Variants in MAST4 observed in about 807,000 individuals in gnomAD.
The protein encoded by MAST4 is microtubule associated serine/threonine kinase family member 4.
MAST4 carries 89 observed loss-of-function variants against 162.7 expected under a neutral mutation model. The observed-to-expected ratio is 0.55, with a 90% CI of 0.46 to 0.65. The LOEUF is 0.65. MAST4 is among the 30% of genes least tolerant of loss of function. The pLI, the probability that MAST4 is intolerant of heterozygous loss-of-function variation, is 0.00. For synonymous variants in MAST4, 1,479 were observed against 1,361.1 expected, an observed-to-expected ratio of 1.09 and a Z score of -1.91; for missense variants, 3,153 against 3,374.0, an observed-to-expected ratio of 0.93 and a Z score of 1.62.
intron 1 of MAST4, among the ~76,000 whole-genome samples, chr5:66,708,112 C>A (rs1750255096): frequency 1.3e-5 from 2 of 152,186 alleles, no homozygotes; most frequent in South Asian, 4.1e-4. Flanking sequence ...CAACACCAAC[C>A]TAGATTCAAA....
rs570451422 is a variant in MAST4 at position 66,972,611 on chromosome 5, C to G, written c.674+72629C>G. Among the ~76,000 whole-genome samples the G allele has an allele frequency of 9.8e-5, 15 of 152,324 alleles. 1 individual carries two copies. The South Asian group carries it at 3.1e-3, about 32-fold the overall frequency. On this transcript the variant is annotated intron_variant, in intron 4 of 28. Coordinates refer to ENST00000403625, the MANE Select transcript of MAST4 (RefSeq NM_001164664.2). ...GATTCTGCCTTCTCAATATGCGATG[C>G]TGACCACCTCTCCTATCCCACCTTA...
At position 67,166,463 on chromosome 5, in the gene MAST4, G is replaced by C; in HGVS notation, c.7284G>C (p.Pro2428=). ...AAGGGCCCGGTCCCCAGAAGCCACC[G>C]ACGGAGGCAGACAAGCCCAATGGCA... ...RGKGPGPQKP[P]TEADKPNGMK... The change falls in exon 29 of 29, where the codon CCG becomes CCC. Residue 2428 remains proline (P), a synonymous_variant. Coordinates refer to ENST00000403625, the MANE Select transcript of MAST4 (RefSeq NM_001164664.2). 3 of 1,601,906 alleles carry C rather than the reference G, an allele frequency of 1.9e-6. No individual in the cohort carries two copies. Among genetic ancestry groups the C allele is most frequent in the Non-Finnish European group, 2.6e-6 (3 of 1,173,694 alleles).
chr5:66,936,637 T>A (rs1490772094), intron 4 of MAST4, among the ~76,000 whole-genome samples: 1 of 152,162 alleles, frequency 6.6e-6, no homozygotes, highest in Admixed American at 6.5e-5. Flanking sequence ...TGTCATCAGT[T>A]AAGGCAGGAA....
intron 1 of MAST4, among the ~76,000 whole-genome samples, chr5:66,639,748 T>C (rs1745360213): frequency 6.6e-6 from 1 of 152,128 alleles, no homozygotes; most frequent in Non-Finnish European, 1.5e-5. Context: ...AAATGTAAAA[T>C]TAAACCTAAG....
intron 1 of MAST4, among the ~76,000 whole-genome samples, chr5:66,673,364 T>C (rs189261468): frequency 3.9e-5 from 6 of 152,194 alleles, no homozygotes; most frequent in African/African-American, 1.4e-4. Flanking sequence ...TCTCCTTTCT[T>C]CTTTTGTTGT....
rs185497297 is a variant in MAST4 at position 66,955,443 on chromosome 5, G to A, written c.674+55461G>A. The stretch of plus-strand genomic sequence containing the variant: ...GCTGTAGAAGAGGGGATGTGGAGGT[G>A]TGGTATGAACATACCATATGGAGCT... On this transcript the variant is annotated intron_variant, in intron 4 of 28. Transcript: ENST00000403625. Among the ~76,000 whole-genome samples the A allele has an allele frequency of 1.5e-3, 225 of 152,168 alleles. 2 individuals are homozygous for A. Among genetic ancestry groups the A allele is most frequent in the Non-Finnish European group, 3.1e-4 (21 of 67,994 alleles).
intron 1 of MAST4, among the ~76,000 whole-genome samples, chr5:66,597,529 C>G (rs1490879011): frequency 7.0e-6 from 1 of 142,796 alleles, no homozygotes; most frequent in African/African-American, 2.7e-5. Context: ...TGGGATCGCC[C>G]GCGGGTGGTT....
chr5:67,032,141 GTACCTGTAATCCATTT>G (rs1755413444), intron 4 of MAST4, among the ~76,000 whole-genome samples: 1 of 152,078 alleles, frequency 6.6e-6, no homozygotes, highest in Non-Finnish European at 1.5e-5. Context: ...TTATCCTGCT[GTACCTGTAATCCATTT>G]TAGATTAAGC....
intron 1 of MAST4, among the ~76,000 whole-genome samples, chr5:66,700,005 C>A (rs888730230): frequency 7.1e-6 from 1 of 141,246 alleles, no homozygotes; most frequent in Admixed American, 7.4e-5. Flanking sequence ...ATTAACAGTG[C>A]AGCTGTGATT....
chr5:66,813,341 A>C (rs1756565264), intron 3 of MAST4, among the ~76,000 whole-genome samples: 1 of 152,228 alleles, frequency 6.6e-6, no homozygotes, highest in South Asian at 2.1e-4. Flanking sequence ...GGTTTGAAAA[A>C]TTTTAAACTA....
chr5:66,915,269 A>C (rs929364619), intron 4 of MAST4, among the ~76,000 whole-genome samples: 1 of 146,524 alleles, frequency 6.8e-6, no homozygotes, highest in East Asian at 2.1e-4. Context: ...CTTGTCTCAA[A>C]AAAAAAAAAA....
intron 4 of MAST4, among the ~76,000 whole-genome samples, chr5:67,010,560 C>G (rs1460372612): frequency 1.3e-5 from 2 of 152,082 alleles, no homozygotes; most frequent in African/African-American, 4.8e-5. Context: ...AAACACGGGA[C>G]TTACTATTAA....
intron 4 of MAST4, among the ~76,000 whole-genome samples, chr5:66,943,738 T>C (rs2150110393): frequency 6.7e-6 from 1 of 149,442 alleles, no homozygotes; most frequent in East Asian, 1.9e-4. Context: ...GGGAAATGTG[T>C]GTTCAGCGAA....
At chr5:66,707,970 C>T (rs1483854430) in intron 1 of MAST4, among the ~76,000 whole-genome samples, 1 of 152,150 alleles carries the variant, frequency 6.6e-6, no homozygotes, top group Non-Finnish European at 1.5e-5. Context: ...GTAACAGCTA[C>T]CGTTTGAGTG....
chr5:67,090,019 T>C (rs1049130139), intron 5 of MAST4, 143 bp from the exon 6 acceptor site: 51 of 438,248 alleles, frequency 1.2e-4, no homozygotes, highest in African/African-American at 9.8e-4. Flanking sequence ...CCACCATCCC[T>C]GGTCCAGGTA....
intron 1 of MAST4, among the ~76,000 whole-genome samples, chr5:66,621,208 A>G (rs1744055067): frequency 6.6e-6 from 1 of 152,162 alleles, no homozygotes; most frequent in Non-Finnish European, 1.5e-5. Flanking sequence ...TGAGAGTAGA[A>G]TTTGATTCTG....
chr5:67,119,692 A>AAT (rs1203646789), intron 13 of MAST4, among the ~76,000 whole-genome samples: 1 of 152,226 alleles, frequency 6.6e-6, no homozygotes, highest in East Asian at 1.9e-4. Context: ...ATTGAGACTA[A>AAT]AGTTCCTTTG....
At chr5:66,766,445 G>T (rs1754100744) in intron 2 of MAST4, among the ~76,000 whole-genome samples, 1 of 152,122 alleles carries the variant, frequency 6.6e-6, no homozygotes, top group South Asian at 2.1e-4. Context: ...AAAGTTGAGA[G>T]GGTTTTCTTT....
At chr5:67,088,635 G>A (rs1896686) in intron 5 of MAST4, among the ~76,000 whole-genome samples, 60,862 of 151,834 alleles carry the variant, frequency 0.4, 14,600 homozygotes, top group East Asian at 0.65. Context: ...TAGATAAATG[G>A]ACAAAATGAA....
Sources: allele counts gnomAD v4.1 joint callset (sites outside exome capture counted in the v4.1 genomes callset), GRCh38; gene constraint gnomAD v4.1.1; transcripts MANE v1.5; gene names NCBI Gene and HGNC (gene_info 2026-07-23, HGNC 2026-07-21).